CHCHD6: variants seen among roughly 807,000 people sequenced by gnomAD.
CHCHD6 encodes the protein MICOS complex subunit MIC25.
Under a neutral mutation model 32.3 loss-of-function variants are expected in CHCHD6, and 28 were observed. The ratio of observed to expected loss-of-function variants is 0.87; its 90% confidence interval spans 0.64 to 1.19. CHCHD6 has a LOEUF of 1.19. Among genes scored for constraint, CHCHD6 ranks in the 50% most tolerant of loss-of-function variants. The pLI is 0.00. For synonymous variants in CHCHD6, 122 were observed against 117.5 expected (o/e 1.04, Z -0.25); for missense variants, 333 against 307.0 (o/e 1.08, Z -0.63).
At chr3:126,958,763 A>G (rs2078821800) in intron 7 of CHCHD6, among the ~76,000 whole-genome samples, 1 of 152,190 alleles carries the variant, frequency 6.6e-6, no homozygotes, top group Non-Finnish European at 1.5e-5. Flanking sequence ...CTCCTCCTCC[A>G]TCTCAGAGGA....
intron 6 of CHCHD6, among the ~76,000 whole-genome samples, chr3:126,920,703 C>A (rs577703965): frequency 6.6e-6 from 1 of 152,342 alleles, no homozygotes; most frequent in South Asian, 2.1e-4. Flanking sequence ...CAGGCAGCCT[C>A]CACAGGAGCG....
intron 4 of CHCHD6, among the ~76,000 whole-genome samples, chr3:126,849,089 G>A (rs1336534694): frequency 6.6e-6 from 1 of 152,254 alleles, no homozygotes; most frequent in African/African-American, 2.4e-5. Flanking sequence ...GGGATCTGTA[G>A]CTTCCAGGCT....
chr3:126,741,521 C>T (rs1158364587), intron 4 of CHCHD6, among the ~76,000 whole-genome samples: 1 of 152,170 alleles, frequency 6.6e-6, no homozygotes, highest in African/African-American at 2.4e-5. Context: ...GCTGCTCCTA[C>T]TCAACCTGCT....
intron 4 of CHCHD6, among the ~76,000 whole-genome samples, chr3:126,771,426 A>G (rs1394519114): frequency 2.6e-5 from 4 of 151,476 alleles, no homozygotes; most frequent in South Asian, 2.1e-4. Flanking sequence ...GATGGTCTTG[A>G]TCTCCTGACC....
intron 4 of CHCHD6, among the ~76,000 whole-genome samples, chr3:126,814,676 C>G (rs66667187): frequency 0.037 from 5,578 of 152,312 alleles, 161 homozygotes; most frequent in East Asian, 0.14. Flanking sequence ...GGCACCCCCT[C>G]CCACATGCCT....
chr3:126,958,410 C>G (rs766577253), intron 7 of CHCHD6, among the ~76,000 whole-genome samples: 12 of 152,220 alleles, frequency 7.9e-5, no homozygotes, highest in Non-Finnish European at 1.3e-4. Context: ...ACGTAAAAGC[C>G]TCTTTGGCCT....
intron 5 of CHCHD6, among the ~76,000 whole-genome samples, chr3:126,908,832 A>G (rs930380684): frequency 2.0e-5 from 3 of 152,260 alleles, no homozygotes; most frequent in Non-Finnish European, 2.9e-5. Flanking sequence ...ACAAAACTGC[A>G]GAAAGGAGGT....
chr3:126,794,572 CA>C (rs1276307741), intron 4 of CHCHD6, among the ~76,000 whole-genome samples: 1 of 151,940 alleles, frequency 6.6e-6, no homozygotes, highest in African/African-American at 2.4e-5. Context: ...GTAATCCTTT[CA>C]GAAAAAGTTT....
At chr3:126,709,283 A>G (rs1934643707) in intron 1 of CHCHD6, among the ~76,000 whole-genome samples, 1 of 152,084 alleles carries the variant, frequency 6.6e-6, no homozygotes, top group South Asian at 2.1e-4. Flanking sequence ...ATGTTGGTTC[A>G]TTGATGTCGT....
At chr3:126,930,472 G>A (rs1576616920) in intron 6 of CHCHD6, among the ~76,000 whole-genome samples, 6 of 152,296 alleles carry the variant, frequency 3.9e-5, no homozygotes, top group Admixed American at 3.3e-4. Flanking sequence ...AAGTCACTTG[G>A]CCCTCTCTGG....
chr3:126,741,040 C>T (rs1315151849), intron 4 of CHCHD6, among the ~76,000 whole-genome samples: 8 of 152,104 alleles, frequency 5.3e-5, no homozygotes, highest in African/African-American at 1.2e-4. Flanking sequence ...CTGCCTTGGC[C>T]GGGTTGTGGT....
chr3:126,883,315 G>A lies in CHCHD6; in HGVS notation c.495+30585G>A, dbSNP rs188966372. On this transcript the variant is annotated intron_variant, in intron 5 of 7. Coordinates refer to ENST00000290913, the MANE Select transcript of CHCHD6 (RefSeq NM_032343.3). ...TCGAAGCCGATTGGTCAGAAGTTCCGGAGGTCCTGTGACTGGTATCTGAGG... is the reference window on the plus strand; with the variant it reads ...TCGAAGCCGATTGGTCAGAAGTTCCAGAGGTCCTGTGACTGGTATCTGAGG... Among the ~76,000 whole-genome samples the A allele has an allele frequency of 1.8e-4, 27 of 152,302 alleles. No individual in the cohort carries two copies. In the East Asian group the frequency reaches 3.1e-3, roughly 17 times the overall value.
intron 5 of CHCHD6, among the ~76,000 whole-genome samples, chr3:126,871,908 G>A (rs868438149): frequency 2.0e-5 from 3 of 151,884 alleles, no homozygotes; most frequent in Non-Finnish European, 2.9e-5. Flanking sequence ...CTCATAATCC[G>A]CCTTCCTCGG....
intron 5 of CHCHD6, among the ~76,000 whole-genome samples, chr3:126,878,456 G>T (rs1258743291): frequency 1.3e-5 from 2 of 152,200 alleles, no homozygotes; most frequent in Non-Finnish European, 2.9e-5. Flanking sequence ...TGAGGATCCA[G>T]CCTGAAAGGG....
intron 7 of CHCHD6, 68 bp from the exon 8 acceptor site, chr3:126,960,128 A>G (rs967039241): frequency 3.9e-6 from 6 of 1,548,084 alleles, no homozygotes; most frequent in African/African-American, 1.4e-5. Context: ...TCACAGGGCG[A>G]TCTGCACGGA....
At chr3:126,782,534 T>C (rs921816166) in intron 4 of CHCHD6, among the ~76,000 whole-genome samples, 36 of 152,198 alleles carry the variant, frequency 2.4e-4, no homozygotes, top group Non-Finnish European at 2.9e-5. Flanking sequence ...AGCAAAATGA[T>C]GTGAATTTAC....
intron 5 of CHCHD6, among the ~76,000 whole-genome samples, chr3:126,882,364 T>TA (rs1559901350): frequency 6.6e-6 from 1 of 152,224 alleles, no homozygotes; most frequent in Non-Finnish European, 1.5e-5. Flanking sequence ...GGAACTGCTA[T>TA]GAAAGGGTTT....
intron 6 of CHCHD6, chr3:126,953,168 C>T: frequency 1.0e-6 from 1 of 982,628 alleles, no homozygotes; most frequent in Non-Finnish European, 1.2e-6. Context: ...AGTGACAAAG[C>T]CAGCGCCTTG....
chr3:126,875,827 T>C (rs900239316), intron 5 of CHCHD6, among the ~76,000 whole-genome samples: 22 of 152,212 alleles, frequency 1.4e-4, no homozygotes, highest in African/African-American at 4.8e-4. Flanking sequence ...AAAAATCACA[T>C]CCTGTCACAT....
Sources: gnomAD v4.1 joint callset for allele counts (sites outside exome capture counted in the v4.1 genomes callset) on GRCh38, gnomAD v4.1.1 for gene constraint, MANE v1.5 for transcripts, NCBI Gene and HGNC (gene_info 2026-07-23, HGNC 2026-07-21) for gene names.